The following MACROD2 variants were observed in gnomAD, a reference collection of about 807,000 sequenced individuals.
MACROD2 encodes mono-ADP ribosylhydrolase 2.
MACROD2 carries 36 observed loss-of-function variants against 70.4 expected under a neutral mutation model. The observed-to-expected ratio is 0.51, with a 90% CI of 0.39 to 0.68. The LOEUF (loss-of-function observed/expected upper bound fraction) is 0.68. Among genes scored for constraint, MACROD2 ranks in the 30% least tolerant of loss-of-function variants. The pLI is 0.00. For synonymous variants in MACROD2, 172 were observed against 178.8 expected (o/e 0.96, Z 0.30); for missense variants, 496 against 538.4 (o/e 0.92, Z 0.78).
At position 15,885,745 on chromosome 20, in the gene MACROD2, T is replaced by G. The variant is rs780544698; in HGVS notation, c.728-19T>G. The G allele has an allele frequency of 2.7e-6, 4 of 1,472,024 alleles. No homozygotes were observed. The highest frequency in any genetic ancestry group is 3.6e-6 in the Non-Finnish European group (4 of 1,107,964). The allele number at this position is 1,472,024 out of a possible 1,614,324, so 91.2% of individuals were successfully genotyped here. A position where few individuals can be genotyped will look rare whatever the true frequency, so the allele number is the denominator to read the frequency against. On this transcript the variant is annotated intron_variant, in intron 9 of 17. Transcript: ENST00000684519. ...ACTTTCATATAAGTATTTCTTTATG[T>G]TTTCCTATTTTTTAACAGACGATAA...
chr20:15,864,262 A>G (rs1466463729), intron 9 of MACROD2, among the ~76,000 whole-genome samples: 2 of 151,928 alleles, frequency 1.3e-5, no homozygotes, highest in African/African-American at 4.8e-5. Flanking sequence ...TTTCCTTTTG[A>G]CTTGCTTTAT....
intron 3 of MACROD2, among the ~76,000 whole-genome samples, chr20:14,259,218 G>A (rs1405172417): frequency 1.3e-5 from 2 of 152,174 alleles, no homozygotes; most frequent in Admixed American, 6.5e-5. Flanking sequence ...TGGGATTACA[G>A]GCAAAAGATT....
chr20:14,124,760 A>C (rs1461182868), intron 3 of MACROD2, among the ~76,000 whole-genome samples: 1 of 152,146 alleles, frequency 6.6e-6, no homozygotes, highest in Non-Finnish European at 1.5e-5. Flanking sequence ...AGTTAAATAT[A>C]AACTTAACCG....
intron 5 of MACROD2, among the ~76,000 whole-genome samples, chr20:14,909,075 T>C (rs564279388): frequency 6.6e-6 from 1 of 152,076 alleles, no homozygotes; most frequent in Admixed American, 6.5e-5. Flanking sequence ...CATATAGAGA[T>C]GGGAGATTTA....
At position 15,254,236 on chromosome 20, in the gene MACROD2, C is replaced by G. The variant is rs966976834; in HGVS notation, c.540+24175C>G. On this transcript the variant is annotated intron_variant, in intron 6 of 17. Coordinates refer to ENST00000684519, the MANE Select transcript of MACROD2 (RefSeq NM_001351661.2). ...TTCACCAGGTTAAGAGGTAATTGATCAAGATTCAGTTCAAAAAAAGTGTAA... is the reference window on the plus strand; with the variant it reads ...TTCACCAGGTTAAGAGGTAATTGATGAAGATTCAGTTCAAAAAAAGTGTAA... Among the ~76,000 whole-genome samples the G allele has an allele frequency of 3.3e-5, 5 of 151,032 alleles. No individual in the cohort carries two copies. In the East Asian group the frequency reaches 7.7e-4, roughly 23 times the overall value.
chr20:14,646,454 G>A (rs1985395429), intron 4 of MACROD2, among the ~76,000 whole-genome samples: 5 of 151,948 alleles, frequency 3.3e-5, no homozygotes, highest in Admixed American at 3.3e-4. Flanking sequence ...TATTAATATA[G>A]CACTATTATG....
chr20:15,644,183 T>C (rs1334828862), intron 8 of MACROD2, among the ~76,000 whole-genome samples: 3 of 152,118 alleles, frequency 2.0e-5, no homozygotes, highest in African/African-American at 7.2e-5. Flanking sequence ...AGAGAGAAAG[T>C]GACTCTGGCA....
intron 3 of MACROD2, among the ~76,000 whole-genome samples, chr20:14,208,676 G>A (rs879476971): frequency 1.3e-5 from 2 of 152,034 alleles, no homozygotes; most frequent in Non-Finnish European, 1.5e-5. Flanking sequence ...CATTTCCATC[G>A]AGACTGCCCA....
intron 4 of MACROD2, among the ~76,000 whole-genome samples, chr20:14,520,351 G>T (rs2085152548): frequency 6.6e-6 from 1 of 151,978 alleles, no homozygotes; most frequent in Admixed American, 6.6e-5. Context: ...AAAACCATCA[G>T]TTTATTTACC....
intron 2 of MACROD2, among the ~76,000 whole-genome samples, chr20:14,046,215 C>T (rs180896217): frequency 1.1e-3 from 161 of 152,238 alleles, no homozygotes; most frequent in Non-Finnish European, 1.9e-3. Flanking sequence ...ATCTACAAAG[C>T]TATAGAAATT....
intron 3 of MACROD2, among the ~76,000 whole-genome samples, chr20:14,145,905 G>A: frequency 6.6e-6 from 1 of 152,150 alleles, no homozygotes; most frequent in South Asian, 2.1e-4. Context: ...ATTGTTTTGT[G>A]CATATTAGTT....
chr20:14,083,780 T>C (rs1221908669), intron 2 of MACROD2, among the ~76,000 whole-genome samples: 1 of 151,718 alleles, frequency 6.6e-6, no homozygotes, highest in East Asian at 2.0e-4. Flanking sequence ...AGTATTTTGA[T>C]AGAATACTTC....
chr20:15,635,337 C>T (rs772813966), intron 8 of MACROD2, among the ~76,000 whole-genome samples: 16 of 152,168 alleles, frequency 1.1e-4, no homozygotes, highest in African/African-American at 3.4e-4. Context: ...GTTTGAGTTT[C>T]GGTCCATCTG....
intron 4 of MACROD2, among the ~76,000 whole-genome samples, chr20:14,664,030 C>T (rs1369119816): frequency 5.3e-5 from 8 of 152,068 alleles, no homozygotes. Flanking sequence ...CTAATTAAAG[C>T]ACTTTATCGC....
At chr20:14,064,941 A>G (rs2053738304) in intron 2 of MACROD2, among the ~76,000 whole-genome samples, 1 of 152,254 alleles carries the variant, frequency 6.6e-6, no homozygotes, top group South Asian at 2.1e-4. Context: ...TCGGTAGGGA[A>G]AAAGTACTAG....
intron 3 of MACROD2, among the ~76,000 whole-genome samples, chr20:14,168,394 G>A (rs898434725): frequency 1.3e-5 from 2 of 152,032 alleles, no homozygotes; most frequent in African/African-American, 4.8e-5. Context: ...TTTTTTTAGA[G>A]CAGTTTTAAG....
At chr20:15,367,664 G>C (rs1022112855) in intron 6 of MACROD2, among the ~76,000 whole-genome samples, 4 of 151,684 alleles carry the variant, frequency 2.6e-5, no homozygotes, top group African/African-American at 7.3e-5. Flanking sequence ...TGAAAGCCCT[G>C]ATTATAAAAT....
chr20:14,718,656 A>G (rs1600582348), intron 5 of MACROD2, among the ~76,000 whole-genome samples: 1 of 152,150 alleles, frequency 6.6e-6, no homozygotes, highest in East Asian at 1.9e-4. Context: ...AAACATTTAA[A>G]TGATCAGAAT....
At chr20:15,214,831 A>G (rs372324055) in intron 5 of MACROD2, among the ~76,000 whole-genome samples, 2 of 152,196 alleles carry the variant, frequency 1.3e-5, no homozygotes, top group Non-Finnish European at 2.9e-5. Context: ...TACTCTATTG[A>G]TATCATGTGC....
Sources: allele counts gnomAD v4.1 joint callset (sites outside exome capture counted in the v4.1 genomes callset), GRCh38; gene constraint gnomAD v4.1.1; transcripts MANE v1.5; gene names NCBI Gene and HGNC (gene_info 2026-07-23, HGNC 2026-07-21).